Variants in STX16 observed in about 807,000 individuals in gnomAD.
The protein encoded by STX16 is syntaxin 16.
STX16 carries 28 observed loss-of-function variants against 42.7 expected under a neutral mutation model. That is an observed-to-expected ratio of 0.66 (90% CI 0.49 to 0.90). The LOEUF is 0.90. STX16 is among the 40% of genes least tolerant of loss of function. The pLI is 0.00. For synonymous variants in STX16, 156 were observed against 155.2 expected (o/e 1.00, Z -0.04); for missense variants, 361 against 420.9 (o/e 0.86, Z 1.24).
Position 58,676,437 on chromosome 20 carries a change from T to A in STX16, c.*146T>A, listed in dbSNP as rs2084129129. On this transcript the variant is annotated 3_prime_UTR_variant, in exon 9 of 9. Transcript: ENST00000371141. Reference sequence around the variant, plus strand: ...GCGAACCTTTGCATCCACGGACTCCTCCTTCCCTAGTCCTGCTCAAGCGGT... The same window carrying A: ...GCGAACCTTTGCATCCACGGACTCCACCTTCCCTAGTCCTGCTCAAGCGGT... 1 of 685,536 alleles carries A rather than the reference T, an allele frequency of 1.5e-6. No individual in the cohort carries two copies. Among genetic ancestry groups the A allele is most frequent in the Non-Finnish European group, 2.6e-6 (1 of 384,920 alleles). 42.5% of individuals were successfully genotyped at this position (685,536 alleles called of 1,614,324 possible).
chr20:58,653,532 G>A (rs1420890284), intron 1 of STX16, among the ~76,000 whole-genome samples: 1 of 152,150 alleles, frequency 6.6e-6, no homozygotes, highest in Non-Finnish European at 1.5e-5. Flanking sequence ...ATTTATAAAC[G>A]GAAAGGAATT....
At position 58,673,699 on chromosome 20, in the gene STX16, A is replaced by G; in HGVS notation, c.861A>G (p.Lys287=). ...QSCIKTEDGL[K]QLHKAEQYQK... ...GTATCAAAACTGAAGATGGTTTGAA[A>G]CAGCTTCACAAGGTAATATGTCTTT... The change falls in exon 8 of 9, where the codon AAA becomes AAG. Residue 287 remains lysine, a synonymous_variant. Coordinates refer to ENST00000371141, the MANE Select transcript of STX16 (RefSeq NM_001001433.3). 2 of 1,611,190 alleles carry G rather than the reference A, an allele frequency of 1.2e-6. No individual in the cohort carries two copies. The highest frequency in any genetic ancestry group is 8.5e-7 in the Non-Finnish European group (1 of 1,177,348).
chr20:58,665,753 C>T (rs1256224545), intron 2 of STX16, among the ~76,000 whole-genome samples: 3 of 152,156 alleles, frequency 2.0e-5, no homozygotes, highest in Non-Finnish European at 2.9e-5. Flanking sequence ...CTGCAGCATC[C>T]GTGCCACGCT....
In STX16 at chr20:58,661,565, G is replaced by A. The variant is rs543116065; in HGVS notation, c.144+1931G>A. On this transcript the variant is annotated intron_variant, in intron 2 of 8. Coordinates refer to ENST00000371141, the MANE Select transcript of STX16 (RefSeq NM_001001433.3). The stretch of plus-strand genomic sequence containing the variant: ...TTTCACTTGCCTCTTTTGCTCTTTT[G>A]TGCAGTGCCGTTATCTTTTTCATGA... Among the ~76,000 whole-genome samples, 6 of 152,366 alleles carry A rather than the reference G, an allele frequency of 3.9e-5. No homozygotes were observed. The South Asian group carries it at 6.2e-4, about 16-fold the overall frequency.
intron 1 of STX16, chr20:58,652,379 C>T (rs561001298): frequency 5.1e-6 from 3 of 588,274 alleles, no homozygotes; most frequent in East Asian, 3.6e-5. Flanking sequence ...GCACCCCCCC[C>T]CCCGCACCCC....
intron 2 of STX16, among the ~76,000 whole-genome samples, chr20:58,666,425 T>G (rs6092672): frequency 0.058 from 222 of 3,828 alleles, no homozygotes; most frequent in African/African-American, 0.14. Context: ...GTGTGTGTGT[T>G]TTTTTTTTTT....
At chr20:58,658,861 TCTTAC>T (rs1298212559) in intron 1 of STX16, among the ~76,000 whole-genome samples, 1 of 152,238 alleles carries the variant, frequency 6.6e-6, no homozygotes, top group Non-Finnish European at 1.5e-5. Context: ...AAAAAATTAT[TCTTAC>T]CTTTTGTTTT....
intron 1 of STX16, among the ~76,000 whole-genome samples, chr20:58,652,828 G>A (rs1282588986): frequency 6.6e-6 from 1 of 151,986 alleles, no homozygotes; most frequent in South Asian, 2.1e-4. Context: ...AAAAGCCTGA[G>A]GAGGTATATG....
intron 1 of STX16, among the ~76,000 whole-genome samples, chr20:58,655,582 A>G (rs16982193): frequency 0.08 from 12,175 of 152,234 alleles, 536 homozygotes; most frequent in African/African-American, 0.096. Flanking sequence ...TTATTTGGCC[A>G]TGGTGTATGA....
chr20:58,654,284 G>A (rs546089487), intron 1 of STX16, among the ~76,000 whole-genome samples: 3 of 151,942 alleles, frequency 2.0e-5, no homozygotes, highest in South Asian at 4.1e-4. Flanking sequence ...TCAAAAATAG[G>A]TTTTGCAGTC....
intron 3 of STX16, 113 bp from the exon 4 acceptor site, chr20:58,667,874 T>C: frequency 2.1e-6 from 3 of 1,408,574 alleles, no homozygotes; most frequent in Non-Finnish European, 2.9e-6. Context: ...TGCTCACACA[T>C]CAGCAAGCCA....
At chr20:58,659,027 A>G (rs552589317) in intron 1 of STX16, among the ~76,000 whole-genome samples, 3 of 151,830 alleles carry the variant, frequency 2.0e-5, no homozygotes, top group Admixed American at 2.0e-4. Flanking sequence ...CTCTCTTACT[A>G]CCAGGGATGA....
chr20:58,671,041 T>A, intron 6 of STX16, 113 bp from the exon 7 acceptor site: 2 of 1,105,544 alleles, frequency 1.8e-6, no homozygotes, highest in Non-Finnish European at 2.5e-6. Context: ...ATTTTCAGAA[T>A]TCATTTTCTT....
At position 58,676,500 on chromosome 20, in the gene STX16, A is replaced by G. The variant is rs2084130751; in HGVS notation, c.*209A>G. ...TTTTTGTTTTTCCTTCATTGTTGAGAATTTAAGGACCTTTGATACTGCTGC... is the reference window on the plus strand; with the variant it reads ...TTTTTGTTTTTCCTTCATTGTTGAGGATTTAAGGACCTTTGATACTGCTGC... On this transcript the variant is annotated 3_prime_UTR_variant, in exon 9 of 9. Coordinates refer to ENST00000371141, the MANE Select transcript of STX16 (RefSeq NM_001001433.3). The G allele has an allele frequency of 1.8e-6, 1 of 556,278 alleles. No individual in the cohort carries two copies. The highest frequency in any genetic ancestry group is 2.4e-5 in the South Asian group (1 of 42,346). 34.5% of individuals were successfully genotyped at this position (556,278 alleles called of 1,614,324 possible).
chr20:58,673,832 C>A, intron 8 of STX16, 121 bp downstream of exon 8: 1 of 685,986 alleles, frequency 1.5e-6, no homozygotes, highest in Non-Finnish European at 2.5e-6. Context: ...ACTCTCAATA[C>A]AGTAGTGTAA....
chr20:58,676,287 G>A lies in STX16; in HGVS notation c.974G>A (p.Arg325Gln), dbSNP rs2084122540. 12 of 1,613,972 alleles carry A rather than the reference G, an allele frequency of 7.4e-6. No individual in the cohort carries two copies. The highest frequency in any genetic ancestry group is 1.0e-5 in the Non-Finnish European group (12 of 1,179,822). ...LIVVLVGVKS[R>Q] The stretch of plus-strand genomic sequence containing the variant: ...GTTGTCCTCGTTGGCGTGAAGTCTC[G>A]ATAAGTGGCATTGGGTTTTCGTGTG... The change falls in exon 9 of 9, where the codon CGA (arginine) becomes CAA (glutamine). Residue 325 changes from arginine (R) to glutamine (Q), a missense_variant. Physicochemically the swap from Arg to Gln is conservative, Grantham distance 43. Coordinates refer to ENST00000371141, the MANE Select transcript of STX16 (RefSeq NM_001001433.3).
At chr20:58,665,137 A>G (rs2122963730) in intron 2 of STX16, among the ~76,000 whole-genome samples, 1 of 152,260 alleles carries the variant, frequency 6.6e-6, no homozygotes, top group Non-Finnish European at 1.5e-5. Context: ...TTGGAGCAGG[A>G]GTGTTGAGGA....
intron 1 of STX16, among the ~76,000 whole-genome samples, chr20:58,654,988 A>G (rs1296960823): frequency 1.3e-5 from 2 of 152,226 alleles, no homozygotes; most frequent in African/African-American, 4.8e-5. Flanking sequence ...TATATTTGTT[A>G]TAGTAAAGTA....
At position 58,652,042 on chromosome 20, in the gene STX16, G is replaced by A; in HGVS notation, c.36G>A (p.Leu12=). 1 of 1,614,186 alleles carries A rather than the reference G, an allele frequency of 6.2e-7. No homozygotes were observed. The highest frequency in any genetic ancestry group is 1.7e-5 in the Admixed American group (1 of 60,028). Reference sequence around the variant, plus strand: ...GGCGTTTAACCGACGCTTTCTTGTTGTTGCGGAATAATTCCATCCAAAACC... The same window carrying A: ...GGCGTTTAACCGACGCTTTCTTGTTATTGCGGAATAATTCCATCCAAAACC... The part of the protein sequence containing the change: ...ATRRLTDAFL[L]LRNNSIQNRQ... The change falls in exon 1 of 9, where the codon TTG becomes TTA. Residue 12 remains leucine (L), a synonymous_variant. Coordinates refer to ENST00000371141, the MANE Select transcript of STX16 (RefSeq NM_001001433.3).
Sources: allele counts gnomAD v4.1 joint callset (sites outside exome capture counted in the v4.1 genomes callset), GRCh38; gene constraint gnomAD v4.1.1; transcripts MANE v1.5; gene names NCBI Gene and HGNC (gene_info 2026-07-23, HGNC 2026-07-21).